Variants in TBC1D8 observed in about 807,000 individuals in gnomAD.
TBC1D8 encodes the protein TBC1 domain family member 8.
TBC1D8 carries 65 observed loss-of-function variants against 118.8 expected under a neutral mutation model. That is an observed-to-expected ratio of 0.55 (90% CI 0.45 to 0.67). The LOEUF (loss-of-function observed/expected upper bound fraction) is 0.67, where lower values mean the gene tolerates loss of function less well. Among genes scored for constraint, TBC1D8 ranks in the 30% least tolerant of loss-of-function variants. TBC1D8 has a pLI of 0.00. For synonymous variants in TBC1D8, 566 were observed against 595.8 expected (o/e 0.95, Z 0.73); for missense variants, 1,376 against 1,471.2 (o/e 0.94, Z 1.06).
intron 5 of TBC1D8, among the ~76,000 whole-genome samples, chr2:101,043,400 T>TAAC (rs1558648350): frequency 2.0e-5 from 3 of 152,050 alleles, no homozygotes; most frequent in African/African-American, 7.2e-5. Context: ...CTATGTTAGC[T>TAAC]TTAACGAAAG....
intron 3 of TBC1D8, among the ~76,000 whole-genome samples, chr2:101,055,024 G>T (rs1682337070): frequency 6.6e-6 from 1 of 151,926 alleles, no homozygotes; most frequent in Non-Finnish European, 1.5e-5. Flanking sequence ...GCATATGAGG[G>T]TAAAAGGACT....
intron 1 of TBC1D8, among the ~76,000 whole-genome samples, chr2:101,095,926 A>G (rs969671802): frequency 6.6e-6 from 1 of 152,120 alleles, no homozygotes; most frequent in Non-Finnish European, 1.5e-5. Flanking sequence ...GGCCCATGGA[A>G]GACTGAGATT....
chr2:101,012,337 T>C (rs1035427038), intron 17 of TBC1D8, among the ~76,000 whole-genome samples: 1 of 152,196 alleles, frequency 6.6e-6, no homozygotes, highest in East Asian at 1.9e-4. Context: ...AATCATGGCA[T>C]ACCCATGCAA....
In TBC1D8 at chr2:101,127,797, G is replaced by A. The variant is rs114036085; in HGVS notation, c.127+23330C>T. Among the ~76,000 whole-genome samples, 1,196 of 152,276 alleles carry A rather than the reference G, an allele frequency of 7.9e-3. 15 individuals are homozygous for A. Among genetic ancestry groups the A allele is most frequent in the African/African-American group, 0.027 (1,132 of 41,550 alleles). ...CTGAGCCTGGAGGAAGTTGGTGGAG[G>A]ATGTGAGGGTCACAGCTCCTGAGTC... On this transcript the variant is annotated intron_variant, in intron 1 of 19. Transcript: ENST00000409318.
rs368576162 is a variant in TBC1D8 at position 101,059,479 on chromosome 2, G to A, written c.344C>T (p.Thr115Ile). 3.7e-6 allele frequency: 6 copies of A among 1,613,950 alleles called. No homozygotes were observed. Among genetic ancestry groups the A allele is most frequent in the Middle Eastern group, 1.7e-4 (1 of 6,060 alleles). Residue 115 changes from threonine to isoleucine, a missense_variant, in exon 3 of 20, where the codon ACC (threonine) becomes ATC (isoleucine). Physicochemically the swap from Thr to Ile is moderately conservative, Grantham distance 89 (BLOSUM62 -1). Transcript: ENST00000409318. ...WDWLEQNLLH[T>I]LSVFDNKDDI... Reference sequence around the variant, plus strand: ...ATCTTTATTATCAAAGACAGACAAGGTGTGGAGGAGATTTTGTTCCAGCCA... The same window carrying A: ...ATCTTTATTATCAAAGACAGACAAGATGTGGAGGAGATTTTGTTCCAGCCA...
intron 1 of TBC1D8, among the ~76,000 whole-genome samples, chr2:101,137,031 C>CTTTTTTTTTT (rs34792672): frequency 8.3e-6 from 1 of 121,062 alleles, no homozygotes; most frequent in Non-Finnish European, 1.7e-5. Flanking sequence ...TAGGCTAATT[C>CTTTTTTTTTT]TTTTTTTTTT....
At chr2:101,032,527 G>A in intron 10 of TBC1D8, 142 bp from the exon 11 acceptor site, 1 of 645,918 alleles carries the variant, frequency 1.5e-6, no homozygotes, top group Non-Finnish European at 2.7e-6. Flanking sequence ...CACTGACACT[G>A]TACAGTGGAA....
At chr2:101,076,449 T>C (rs916099932) in intron 2 of TBC1D8, among the ~76,000 whole-genome samples, 2 of 152,192 alleles carry the variant, frequency 1.3e-5, no homozygotes, top group African/African-American at 4.8e-5. Flanking sequence ...ATAAAATACA[T>C]GGCGCAGCCT....
At chr2:101,095,382 CT>C (rs1450444666) in intron 1 of TBC1D8, among the ~76,000 whole-genome samples, 1 of 149,510 alleles carries the variant, frequency 6.7e-6, no homozygotes, top group Admixed American at 6.7e-5. Flanking sequence ...GGTATATCTC[CT>C]AATGCTATCT....
intron 1 of TBC1D8, among the ~76,000 whole-genome samples, chr2:101,117,327 C>T (rs567399222): frequency 6.6e-6 from 1 of 152,288 alleles, no homozygotes; most frequent in East Asian, 1.9e-4. Context: ...AGTGAGAGAG[C>T]TTTAAATATA....
At chr2:101,138,282 G>C (rs1393376767) in intron 1 of TBC1D8, among the ~76,000 whole-genome samples, 2 of 152,046 alleles carry the variant, frequency 1.3e-5, no homozygotes, top group African/African-American at 4.8e-5. Flanking sequence ...ATTTAAATTA[G>C]TTAATTGTTT....
chr2:101,038,187 G>T (rs1681148119), intron 7 of TBC1D8, among the ~76,000 whole-genome samples: 1 of 152,158 alleles, frequency 6.6e-6, no homozygotes, highest in African/African-American at 2.4e-5. Context: ...CTTTTAGCAG[G>T]TTACACGTGC....
intron 1 of TBC1D8, among the ~76,000 whole-genome samples, chr2:101,097,988 T>A (rs1676579916): frequency 6.6e-6 from 1 of 152,200 alleles, no homozygotes; most frequent in Admixed American, 6.5e-5. Context: ...CAAATTTTTT[T>A]AAGGAAGTAT....
intron 6 of TBC1D8, among the ~76,000 whole-genome samples, chr2:101,039,160 A>G (rs1376293237): frequency 1.3e-5 from 2 of 152,354 alleles, no homozygotes; most frequent in African/African-American, 2.4e-5. Flanking sequence ...TTGCACAGCA[A>G]TGTGAATGTA....
intron 15 of TBC1D8, among the ~76,000 whole-genome samples, chr2:101,026,557 A>G (rs954772808): frequency 2.6e-5 from 4 of 152,082 alleles, no homozygotes; most frequent in African/African-American, 9.7e-5. Context: ...TATCACTTCA[A>G]TCGTGCTGGG....
intron 1 of TBC1D8, among the ~76,000 whole-genome samples, chr2:101,121,097 C>G (rs1367383515): frequency 6.6e-6 from 1 of 152,118 alleles, no homozygotes; most frequent in Non-Finnish European, 1.5e-5. Context: ...GGCAAACCTC[C>G]CTCTTTTCTA....
Position 101,029,589 on chromosome 2 carries a change from G to C in TBC1D8, c.2124C>G (p.Ile708Met). Residue 708 changes from isoleucine (I) to methionine (M), a missense_variant, in exon 12 of 20, where the codon ATC becomes ATG. Ile to Met is a conservative substitution (Grantham distance 10). Transcript: ENST00000409318. ...CCAGTCCCAGCTGGAAGATGGCTTT[G>C]ATGCCATCATAGAAGAAGCAGTCTA... is the stretch of plus-strand genomic sequence containing the variant. ...NVVDCFFYDG[I>M]KAIFQLGLAV... 9 of 1,613,980 alleles carry C rather than the reference G, an allele frequency of 5.6e-6. No homozygotes were observed. Among genetic ancestry groups the C allele is most frequent in the Non-Finnish European group, 7.6e-6 (9 of 1,179,878 alleles).
At chr2:101,026,829 CTA>C (rs1487067265) in intron 15 of TBC1D8, among the ~76,000 whole-genome samples, 1 of 152,128 alleles carries the variant, frequency 6.6e-6, no homozygotes, top group African/African-American at 2.4e-5. Context: ...ATCTCATTAA[CTA>C]TATTAAGTTT....
In TBC1D8 at chr2:101,008,335, T is replaced by A. The variant is rs528889571; in HGVS notation, c.3016-62A>T. 757 of 1,264,956 alleles carry A rather than the reference T, an allele frequency of 6.0e-4. 3 individuals are homozygous for A. The highest frequency in any genetic ancestry group is 9.8e-4 in the Admixed American group (33 of 33,740). The allele number at this position is 1,264,956 out of a possible 1,614,324, so 78.4% of individuals were successfully genotyped here. On this transcript the variant is annotated intron_variant, in intron 19 of 19. Coordinates refer to ENST00000409318, the MANE Select transcript of TBC1D8 (RefSeq NM_001330348.2). ...AGGGTGGAAGTGTCATTTTTTTTTT[T>A]AAACATACCTGTGAGCTTTGAGAAA... is the stretch of plus-strand genomic sequence containing the variant.
Sources: allele counts gnomAD v4.1 joint callset (sites outside exome capture counted in the v4.1 genomes callset), GRCh38; gene constraint gnomAD v4.1.1; transcripts MANE v1.5; gene names NCBI Gene and HGNC (gene_info 2026-07-23, HGNC 2026-07-21).